ENOX1: variants seen among roughly 807,000 people sequenced by gnomAD.
ENOX1 encodes the protein candidate growth-related and time keeping constitutive hydroquinone (NADH) oxidase.
Under a neutral mutation model 82.5 loss-of-function variants are expected in ENOX1, and 42 were observed. That is an observed-to-expected ratio of 0.51 (90% CI 0.40 to 0.66). The LOEUF (loss-of-function observed/expected upper bound fraction) is 0.66. ENOX1 is among the 30% of genes least tolerant of loss of function. The pLI, the probability that ENOX1 is intolerant of heterozygous loss-of-function variation, is 0.00. For synonymous variants in ENOX1, 271 were observed against 282.2 expected, an observed-to-expected ratio of 0.96 and a Z score of 0.40; for missense variants, 608 against 811.6, an observed-to-expected ratio of 0.75 and a Z score of 3.05.
chr13:43,467,294 C>T (rs372484945), intron 3 of ENOX1, among the ~76,000 whole-genome samples: 39 of 152,264 alleles, frequency 2.6e-4, no homozygotes, highest in African/African-American at 9.4e-4. Context: ...CAATTTTAGA[C>T]AATTACTACA....
At chr13:43,346,159 A>G (rs757162016) in intron 8 of ENOX1, among the ~76,000 whole-genome samples, 72 of 152,178 alleles carry the variant, frequency 4.7e-4, no homozygotes, top group Non-Finnish European at 7.3e-4. Context: ...TTTCTCCCAA[A>G]GACCTCCTCC....
chr13:43,693,139 G>A (rs956160583), intron 1 of ENOX1, among the ~76,000 whole-genome samples: 10 of 152,066 alleles, frequency 6.6e-5, no homozygotes, highest in African/African-American at 2.4e-4. Context: ...TTCTCAAAAT[G>A]TAAATCATCA....
intron 2 of ENOX1, among the ~76,000 whole-genome samples, chr13:43,563,172 A>C (rs1156446511): frequency 1.3e-5 from 2 of 152,186 alleles, no homozygotes; most frequent in African/African-American, 4.8e-5. Flanking sequence ...AAAAAAAATA[A>C]AATCACATCA....
intron 1 of ENOX1, among the ~76,000 whole-genome samples, chr13:43,679,406 G>A (rs1462822925): frequency 2.6e-5 from 4 of 152,204 alleles, no homozygotes; most frequent in East Asian, 1.9e-4. Context: ...ACACACACAC[G>A]TTTTGGTAAA....
At chr13:43,674,076 A>G (rs2085390973) in intron 1 of ENOX1, among the ~76,000 whole-genome samples, 1 of 152,196 alleles carries the variant, frequency 6.6e-6, no homozygotes, top group Admixed American at 6.5e-5. Context: ...TCTTCTCTGG[A>G]CCAAACCAGG....
chr13:43,717,503 C>T (rs2088232605), intron 1 of ENOX1, among the ~76,000 whole-genome samples: 1 of 152,032 alleles, frequency 6.6e-6, no homozygotes, highest in East Asian at 1.9e-4. Context: ...TGGCTAAGTT[C>T]CTAAAAGCAG....
intron 1 of ENOX1, among the ~76,000 whole-genome samples, chr13:43,713,055 T>C (rs527326591): frequency 3.9e-5 from 6 of 152,318 alleles, no homozygotes; most frequent in Non-Finnish European, 7.3e-5. Context: ...GGGTTTGTCA[T>C]AGATAGCTCT....
intron 11 of ENOX1, among the ~76,000 whole-genome samples, chr13:43,312,697 C>T (rs536367659): frequency 6.6e-6 from 1 of 152,312 alleles, no homozygotes; most frequent in East Asian, 1.9e-4. Context: ...ATACAGCAGA[C>T]TCTGCTTTCA....
chr13:43,549,419 A>G (rs944967455), intron 2 of ENOX1, among the ~76,000 whole-genome samples: 3 of 152,224 alleles, frequency 2.0e-5, no homozygotes, highest in African/African-American at 7.2e-5. Flanking sequence ...CTTTAAAATA[A>G]CTCATTAGGA....
chr13:43,534,065 A>C (rs2078346825), intron 2 of ENOX1, among the ~76,000 whole-genome samples: 1 of 152,122 alleles, frequency 6.6e-6, no homozygotes, highest in African/African-American at 2.4e-5. Flanking sequence ...GTCCTCCAAA[A>C]ATTTGCACTG....
intron 2 of ENOX1, among the ~76,000 whole-genome samples, chr13:43,664,987 C>G (rs182568019): frequency 2.0e-5 from 3 of 152,220 alleles, no homozygotes; most frequent in African/African-American, 7.2e-5. Flanking sequence ...CCCAGGAACA[C>G]AAAATCTCCT....
chr13:43,760,988 C>T (rs762133842), intron 1 of ENOX1, among the ~76,000 whole-genome samples: 11 of 151,954 alleles, frequency 7.2e-5, no homozygotes, highest in South Asian at 2.1e-4. Context: ...GTACTATTAT[C>T]TCCCTTATTT....
chr13:43,426,186 T>G (rs1417620516), intron 3 of ENOX1, among the ~76,000 whole-genome samples: 2 of 152,202 alleles, frequency 1.3e-5, no homozygotes, highest in African/African-American at 4.8e-5. Flanking sequence ...CGTTATTTAT[T>G]CATGGATTAC....
intron 2 of ENOX1, among the ~76,000 whole-genome samples, chr13:43,534,109 T>C (rs1279319945): frequency 6.6e-6 from 1 of 152,122 alleles, no homozygotes; most frequent in Non-Finnish European, 1.5e-5. Context: ...CACAGCCTCC[T>C]TAATCCAACA....
chr13:43,535,368 T>C (rs1249670028), intron 2 of ENOX1, among the ~76,000 whole-genome samples: 2 of 152,196 alleles, frequency 1.3e-5, no homozygotes, highest in East Asian at 1.9e-4. Flanking sequence ...AAGACCTATC[T>C]GACTATGTAG....
chr13:43,221,680 T>C lies in ENOX1; in HGVS notation c.1800+2373A>G, dbSNP rs1014556333. On this transcript the variant is annotated intron_variant, in intron 16 of 16. Coordinates refer to ENST00000690772, the MANE Select transcript of ENOX1 (RefSeq NM_001347969.2). ...GCAGGAATAATATTTAACTGGAAAA[T>C]AGCTTATTATTGGGCTACATGGTTT... is the stretch of plus-strand genomic sequence containing the variant. 1.3e-5 allele frequency among the ~76,000 whole-genome samples: 2 copies of C among 152,038 alleles called. 1 individual carries two copies. The highest frequency in any genetic ancestry group is 4.1e-4 in the South Asian group (2 of 4,822).
chr13:43,718,769 G>A (rs2088343192), intron 1 of ENOX1, among the ~76,000 whole-genome samples: 1 of 150,700 alleles, frequency 6.6e-6, no homozygotes. Flanking sequence ...GTTGCTGTTG[G>A]ACCCTTCAAA....
chr13:43,302,147 GA>G (rs1206682278), intron 11 of ENOX1, among the ~76,000 whole-genome samples: 1 of 151,156 alleles, frequency 6.6e-6, no homozygotes, highest in Non-Finnish European at 1.5e-5. Flanking sequence ...CTTTCGGTAG[GA>G]ATTCCTAAGG....
At chr13:43,680,250 C>T (rs4942243) in intron 1 of ENOX1, among the ~76,000 whole-genome samples, 4,318 of 152,224 alleles carry the variant, frequency 0.028, 244 homozygotes, top group East Asian at 0.21. Flanking sequence ...AAAGAAGTTT[C>T]ATAAGTGTAC....
Sources: allele counts gnomAD v4.1 joint callset (sites outside exome capture counted in the v4.1 genomes callset), GRCh38; gene constraint gnomAD v4.1.1; transcripts MANE v1.5; gene names NCBI Gene and HGNC (gene_info 2026-07-23, HGNC 2026-07-21).